Variants in CREB5 observed in about 807,000 individuals in gnomAD.
CREB5 encodes the protein cAMP responsive element binding protein 5, also known as cyclic AMP-responsive element-binding protein 5.
A neutral mutation model predicts 57.1 loss-of-function variants in CREB5; 19 were observed. That is an observed-to-expected ratio of 0.33 (90% CI 0.23 to 0.49). The LOEUF is 0.49. Among genes scored for constraint, CREB5 ranks in the 20% least tolerant of loss-of-function variants. The pLI is 0.99. For missense variants in CREB5, 579 were observed against 671.6 expected, an observed-to-expected ratio of 0.86 and a Z score of 1.52; for synonymous variants, 238 against 238.3, an observed-to-expected ratio of 1.00 and a Z score of 0.01.
intron 1 of CREB5, among the ~76,000 whole-genome samples, chr7:28,429,411 C>T (rs531937755): frequency 6.6e-6 from 1 of 152,308 alleles, no homozygotes; most frequent in Non-Finnish European, 1.5e-5. Context: ...ACCATTTTCT[C>T]AGCATCTGGC....
intron 7 of CREB5, among the ~76,000 whole-genome samples, chr7:28,761,724 ATGTGTGTGTG>A (rs3831526): frequency 1.4e-5 from 2 of 146,050 alleles, no homozygotes; most frequent in African/African-American, 2.5e-5. Flanking sequence ...GATGTGAGGG[ATGTGTGTGTG>A]TGTGTGTGTG....
At chr7:28,669,068 C>T (rs1799935112) in intron 5 of CREB5, among the ~76,000 whole-genome samples, 1 of 152,196 alleles carries the variant, frequency 6.6e-6, no homozygotes, top group Non-Finnish European at 1.5e-5. Flanking sequence ...ACCAGGAACC[C>T]TTTCTTGCAA....
chr7:28,597,131 A>G (rs1283170980), intron 5 of CREB5, among the ~76,000 whole-genome samples: 7 of 152,234 alleles, frequency 4.6e-5, no homozygotes, highest in Non-Finnish European at 5.9e-5. Context: ...CCTTGGCAGG[A>G]TAAGCAGTGC....
intron 5 of CREB5, among the ~76,000 whole-genome samples, chr7:28,649,705 A>G (rs1237023317): frequency 6.6e-6 from 1 of 152,176 alleles, no homozygotes; most frequent in East Asian, 1.9e-4. Context: ...AATGGACCAT[A>G]TCTTATTATC....
intron 1 of CREB5, among the ~76,000 whole-genome samples, chr7:28,359,867 A>G (rs1786432839): frequency 6.6e-6 from 1 of 152,206 alleles, no homozygotes; most frequent in Non-Finnish European, 1.5e-5. Flanking sequence ...AACTCAAACA[A>G]CTCAATAGCA....
intron 1 of CREB5, among the ~76,000 whole-genome samples, chr7:28,340,008 G>A (rs567006071): frequency 2.0e-5 from 3 of 152,270 alleles, no homozygotes; most frequent in Non-Finnish European, 2.9e-5. Context: ...GAATAATGCC[G>A]GGTGGAGGAC....
At chr7:28,753,861 G>A (rs1805124533) in intron 7 of CREB5, among the ~76,000 whole-genome samples, 2 of 151,850 alleles carry the variant, frequency 1.3e-5, no homozygotes, top group South Asian at 4.2e-4. Flanking sequence ...TAGGATGTAA[G>A]GACTATGATG....
intron 7 of CREB5, among the ~76,000 whole-genome samples, chr7:28,783,813 G>A (rs1298996529): frequency 3.9e-5 from 6 of 152,164 alleles, no homozygotes; most frequent in African/African-American, 1.4e-4. Flanking sequence ...TACAGCAAAC[G>A]GAGCTTGGCA....
chr7:28,600,586 G>A (rs1003902778), intron 5 of CREB5, among the ~76,000 whole-genome samples: 10 of 152,200 alleles, frequency 6.6e-5, no homozygotes, highest in South Asian at 6.2e-4. Context: ...TAAAAATTAT[G>A]CAGGCCAGAC....
At chr7:28,630,696 A>T (rs1422226576) in intron 5 of CREB5, among the ~76,000 whole-genome samples, 1 of 152,198 alleles carries the variant, frequency 6.6e-6, no homozygotes, top group Admixed American at 6.5e-5. Context: ...GATTAAGTAG[A>T]TTTCCATATA....
At chr7:28,474,491 G>T (rs1238525863) in intron 1 of CREB5, among the ~76,000 whole-genome samples, 1 of 152,146 alleles carries the variant, frequency 6.6e-6, no homozygotes, top group Non-Finnish European at 1.5e-5. Context: ...GCTGATTGGT[G>T]GTTTGCGAAG....
At chr7:28,329,245 G>A (rs1211267082) in intron 1 of CREB5, among the ~76,000 whole-genome samples, 3 of 152,212 alleles carry the variant, frequency 2.0e-5, no homozygotes, top group Non-Finnish European at 4.4e-5. Context: ...TCTACGAGCT[G>A]AAATCACTGG....
At chr7:28,309,622 A>G in intron 1 of CREB5, among the ~76,000 whole-genome samples, 1 of 152,296 alleles carries the variant, frequency 6.6e-6, no homozygotes, top group Middle Eastern at 3.4e-3. Context: ...TGCCAATGCC[A>G]GGAGAGCCCA....
At chr7:28,783,849 CAT>C in intron 7 of CREB5, among the ~76,000 whole-genome samples, 1 of 152,318 alleles carries the variant, frequency 6.6e-6, no homozygotes, top group Admixed American at 6.5e-5. Context: ...ATAAACTTCT[CAT>C]AGATTTTCTT....
At chr7:28,376,034 T>C (rs556874921) in intron 1 of CREB5, among the ~76,000 whole-genome samples, 27 of 152,308 alleles carry the variant, frequency 1.8e-4, no homozygotes, top group African/African-American at 6.0e-4. Context: ...TCTCCCACCA[T>C]GCCCCTTCCA....
intron 1 of CREB5, among the ~76,000 whole-genome samples, chr7:28,365,014 C>T (rs1786558717): frequency 6.6e-6 from 1 of 152,134 alleles, no homozygotes; most frequent in Non-Finnish European, 1.5e-5. Flanking sequence ...AACTTGGTGA[C>T]ACCATTCAAC....
intron 1 of CREB5, among the ~76,000 whole-genome samples, chr7:28,428,674 G>T (rs983664648): frequency 2.0e-4 from 30 of 152,148 alleles, no homozygotes; most frequent in Non-Finnish European, 4.4e-5. Context: ...TCAGTTTTGG[G>T]CATGTTGTAT....
chr7:28,518,009 T>C (rs574449772), intron 4 of CREB5, among the ~76,000 whole-genome samples: 2 of 152,330 alleles, frequency 1.3e-5, no homozygotes, highest in South Asian at 4.1e-4. Flanking sequence ...GTTTTGAAGC[T>C]AGAAGAAGGC....
At chr7:28,405,108 G>A (rs1373882104) in intron 1 of CREB5, among the ~76,000 whole-genome samples, 2 of 152,188 alleles carry the variant, frequency 1.3e-5, no homozygotes, top group African/African-American at 4.8e-5. Flanking sequence ...CACAGTTTTG[G>A]ATGCATTTTG....
Sources: gnomAD v4.1 joint callset for allele counts (sites outside exome capture counted in the v4.1 genomes callset) on GRCh38, gnomAD v4.1.1 for gene constraint, MANE v1.5 for transcripts, NCBI Gene and HGNC (gene_info 2026-07-23, HGNC 2026-07-21) for gene names.